The following SHLD1 variants were observed in gnomAD, a reference collection of about 807,000 sequenced individuals.
SHLD1 encodes RINN1-REV7-interacting novel NHEJ regulator 3.
SHLD1 carries 3 observed loss-of-function variants against 5.5 expected under a neutral mutation model. That is an observed-to-expected ratio of 0.54 (90% CI 0.25 to 1.40). The LOEUF is 1.40. SHLD1 is among the 40% of genes most tolerant of loss of function. The probability of loss-of-function intolerance (pLI) is 0.15; values close to 1 mark genes in which losing one functional copy is unlikely to be tolerated. For missense variants in SHLD1, 210 were observed against 244.4 expected, an observed-to-expected ratio of 0.86 and a Z score of 0.94; for synonymous variants, 92 against 94.3, an observed-to-expected ratio of 0.98 and a Z score of 0.14.
intron 2 of SHLD1, among the ~76,000 whole-genome samples, chr20:5,823,263 G>A (rs907148171): frequency 2.4e-4 from 36 of 151,776 alleles, no homozygotes; most frequent in African/African-American, 8.2e-4. Flanking sequence ...ACTGACCTCA[G>A]GCCTCAGGCC....
chr20:5,791,959 G>A (rs142073112), intron 2 of SHLD1, among the ~76,000 whole-genome samples: 14 of 152,198 alleles, frequency 9.2e-5, no homozygotes, highest in African/African-American at 2.6e-4. Context: ...GATTGGTAAC[G>A]TTGAACATAT....
intron 1 of SHLD1, among the ~76,000 whole-genome samples, chr20:5,764,139 A>ATATATATATAT (rs1211451691): frequency 1.0e-5 from 1 of 95,728 alleles, no homozygotes; most frequent in African/African-American, 4.8e-5. Context: ...AAAAAAAAAA[A>ATATATATATAT]ATATATATAT....
intron 2 of SHLD1, among the ~76,000 whole-genome samples, chr20:5,784,309 G>T (rs1420092714): frequency 6.6e-6 from 1 of 151,828 alleles, no homozygotes; most frequent in Non-Finnish European, 1.5e-5. Flanking sequence ...CAGACTAACT[G>T]TAACTTCTCT....
chr20:5,852,811 T>A (rs545646037), intron 2 of SHLD1, among the ~76,000 whole-genome samples: 71 of 152,300 alleles, frequency 4.7e-4, no homozygotes, highest in African/African-American at 1.6e-3. Flanking sequence ...TAAAGTTTTT[T>A]AAAAAAATCC....
chr20:5,808,083 C>A (rs116934897), intron 2 of SHLD1, among the ~76,000 whole-genome samples: 1 of 152,180 alleles, frequency 6.6e-6, no homozygotes, highest in South Asian at 2.1e-4. Flanking sequence ...AGTTCGAGAC[C>A]GGCTTGGCCA....
rs543637946 is a variant in SHLD1, at chr20:5,769,577, G to C, written c.-4-3285G>C. Among the ~76,000 whole-genome samples the C allele has an allele frequency of 6.0e-4, 91 of 152,326 alleles. 1 individual carries two copies. The highest frequency in any genetic ancestry group is 1.1e-3 in the Non-Finnish European group (74 of 68,034). On this transcript the variant is annotated intron_variant, in intron 1 of 2. Transcript: ENST00000303142. Reference sequence around the variant, plus strand: ...AATTTATAAATTAGGCACAGTAGGAGATGAACAACAAAACTAATAATAGAA... The same window carrying C: ...AATTTATAAATTAGGCACAGTAGGACATGAACAACAAAACTAATAATAGAA...
At chr20:5,821,251 G>A (rs926007335) in intron 2 of SHLD1, among the ~76,000 whole-genome samples, 87 of 151,934 alleles carry the variant, frequency 5.7e-4, no homozygotes, top group Admixed American at 5.4e-3. Context: ...GGTGGCTCAC[G>A]CCTATAATCC....
rs749637175 is a variant in SHLD1 at position 5,771,501 on chromosome 20, C to CT, written c.-4-1358dup. Among the ~76,000 whole-genome samples, 150 of 152,168 alleles carry CT rather than the reference C, an allele frequency of 9.9e-4. 2 individuals are homozygous for CT. Among genetic ancestry groups the CT allele is most frequent in the Non-Finnish European group, 2.6e-4 (18 of 68,038 alleles). ...CTGATGTCTTTGTGTAGGTTCTGTGCTTTCTGGTACAACACACTGCTATCA... is the reference window on the plus strand; with the variant it reads ...CTGATGTCTTTGTGTAGGTTCTGTGCTTTTCTGGTACAACACACTGCTATCA... On this transcript the variant is annotated intron_variant, in intron 1 of 2. Coordinates refer to ENST00000303142, the MANE Select transcript of SHLD1 (RefSeq NM_152504.4).
chr20:5,764,172 ATATTTT>A (rs1984675689), intron 1 of SHLD1, among the ~76,000 whole-genome samples: 1 of 83,190 alleles, frequency 1.2e-5, no homozygotes, highest in Non-Finnish European at 2.3e-5. Context: ...ATATATATAT[ATATTTT>A]TATATATATA....
Position 5,756,102 on chromosome 20 carries a change from C to T in SHLD1, c.-5+5623C>T, listed in dbSNP as rs188701677. Among the ~76,000 whole-genome samples, 773 of 152,062 alleles carry T rather than the reference C, an allele frequency of 5.1e-3. 2 individuals are homozygous for T. The highest frequency in any genetic ancestry group is 0.018 in the African/African-American group (733 of 41,456). Reference sequence around the variant, plus strand: ...AGGCTGGTCAGTTGTGCCTACACTTCGAAGAGAGAAAAGTATAAGGAGGCA... The same window carrying T: ...AGGCTGGTCAGTTGTGCCTACACTTTGAAGAGAGAAAAGTATAAGGAGGCA... On this transcript the variant is annotated intron_variant, in intron 1 of 2. Transcript: ENST00000303142.
chr20:5,829,815 A>G (rs544530249), intron 2 of SHLD1, among the ~76,000 whole-genome samples: 19 of 152,282 alleles, frequency 1.2e-4, no homozygotes, highest in African/African-American at 3.8e-4. Flanking sequence ...GTCCTTTATA[A>G]TAGAATTTGC....
At chr20:5,850,017 G>T (rs1464450451) in intron 2 of SHLD1, among the ~76,000 whole-genome samples, 1 of 147,666 alleles carries the variant, frequency 6.8e-6, no homozygotes, top group Non-Finnish European at 1.5e-5. Flanking sequence ...GATGGCTTAT[G>T]CCTGTAATCT....
intron 2 of SHLD1, among the ~76,000 whole-genome samples, chr20:5,821,770 C>T (rs903460324): frequency 5.3e-5 from 8 of 152,164 alleles, no homozygotes; most frequent in African/African-American, 1.9e-4. Context: ...CCACCGGATG[C>T]TTGGCTGGAG....
intron 2 of SHLD1, among the ~76,000 whole-genome samples, chr20:5,820,069 T>A (rs1239088505): frequency 6.6e-6 from 1 of 152,184 alleles, no homozygotes; most frequent in Non-Finnish European, 1.5e-5. Flanking sequence ...CGCCTCAGCC[T>A]CCCCAGTAGC....
At position 5,845,860 on chromosome 20, in the gene SHLD1, C is replaced by T. The variant is rs148732946; in HGVS notation, c.179-17164C>T. On this transcript the variant is annotated intron_variant, in intron 2 of 2. Transcript: ENST00000303142. ...CTAAGGGGCTCCAACAGGTTCTCAG[C>T]GATGTCATTTTACAAATAAGAGCTC... Among the ~76,000 whole-genome samples, 396 of 152,232 alleles carry T rather than the reference C, an allele frequency of 2.6e-3. 2 individuals are homozygous for T. Among genetic ancestry groups the T allele is most frequent in the African/African-American group, 8.7e-3 (361 of 41,540 alleles).
intron 1 of SHLD1, among the ~76,000 whole-genome samples, chr20:5,761,073 G>T (rs1356810640): frequency 6.6e-6 from 1 of 152,100 alleles, no homozygotes; most frequent in Non-Finnish European, 1.5e-5. Context: ...AGAAGCTGCA[G>T]CCATAAAAAA....
At chr20:5,862,292 C>G (rs2088173507) in intron 2 of SHLD1, among the ~76,000 whole-genome samples, 1 of 152,206 alleles carries the variant, frequency 6.6e-6, no homozygotes, top group Non-Finnish European at 1.5e-5. Flanking sequence ...GGTCCCCCAC[C>G]AGGTGACTTA....
chr20:5,852,522 G>A (rs1402147857), intron 2 of SHLD1, among the ~76,000 whole-genome samples: 1 of 151,708 alleles, frequency 6.6e-6, no homozygotes, highest in Non-Finnish European at 1.5e-5. Context: ...GCAGTGGTGT[G>A]ATCTGCAACC....
chr20:5,783,870 G>A (rs754717907), intron 2 of SHLD1, among the ~76,000 whole-genome samples: 68 of 152,122 alleles, frequency 4.5e-4, no homozygotes, highest in Admixed American at 2.6e-3. Context: ...ACCACTAAGC[G>A]GCCGGGTGCG....
Sources: gnomAD v4.1 joint callset for allele counts (sites outside exome capture counted in the v4.1 genomes callset) on GRCh38, gnomAD v4.1.1 for gene constraint, MANE v1.5 for transcripts, NCBI Gene and HGNC (gene_info 2026-07-23, HGNC 2026-07-21) for gene names.